Variants in TCHP observed in about 807,000 individuals in gnomAD.
TCHP encodes the protein trichoplein keratin filament-binding protein.
Under a neutral mutation model 88.7 loss-of-function variants are expected in TCHP, and 81 were observed. That is an observed-to-expected ratio of 0.91 (90% CI 0.76 to 1.10). The LOEUF is 1.10. TCHP is among the 50% of genes least tolerant of loss of function. The pLI, the probability that TCHP is intolerant of heterozygous loss-of-function variation, is 0.00. For missense variants in TCHP, 641 were observed against 632.1 expected, an observed-to-expected ratio of 1.01 and a Z score of -0.15; for synonymous variants, 232 against 232.5, an observed-to-expected ratio of 1.00 and a Z score of 0.02.
the TCHP span, among the ~76,000 whole-genome samples, chr12:109,883,148 C>T: frequency 2.0e-5 from 3 of 151,532 alleles, no homozygotes; most frequent in Admixed American, 6.6e-5. Flanking sequence ...ATTCTCCCGC[C>T]TCAGTCTCTC....
In TCHP at chr12:109,917,845, C is replaced by CA. The variant is rs1870900631; in HGVS notation, c.*1223dup. On this transcript the variant is annotated 3_prime_UTR_variant, in exon 13 of 13. Transcript: ENST00000405876. ...GCATTGTTCCATGGTTATTAAAAAT[C>CA]AGAGTTTATTAAAAATCCTGAGTCT... 6.6e-6 allele frequency: 1 copy of CA among 152,544 alleles called. No homozygotes were observed. Among genetic ancestry groups the CA allele is most frequent in the African/African-American group, 2.4e-5 (1 of 41,416 alleles). 9.4% of individuals were successfully genotyped at this position (152,544 alleles called of 1,614,324 possible). A position where few individuals can be genotyped will look rare whatever the true frequency, so the allele number is the denominator to read the frequency against.
At chr12:109,908,781 A>G (rs925023082) in intron 7 of TCHP, 83 bp downstream of exon 7, 9 of 1,567,648 alleles carry the variant, frequency 5.7e-6, no homozygotes, top group Admixed American at 3.5e-5. Context: ...TGCTGAAACC[A>G]TAAAGGAGAC....
chr12:109,892,340 C>A, the TCHP span, among the ~76,000 whole-genome samples: 13 of 152,256 alleles, frequency 8.5e-5, no homozygotes, highest in Non-Finnish European at 1.5e-4. Context: ...TAGGAGTTAG[C>A]AGAGGGGAAG....
At chr12:109,914,678 A>C in intron 11 of TCHP, 51 bp downstream of exon 11, 2 of 1,510,274 alleles carry the variant, frequency 1.3e-6, no homozygotes, top group Non-Finnish European at 1.8e-6. Context: ...GGTTCTCTGC[A>C]TCATCATGGG....
chr12:109,901,987 G>T (rs915121028), intron 1 of TCHP, among the ~76,000 whole-genome samples: 1 of 151,994 alleles, frequency 6.6e-6, no homozygotes, highest in African/African-American at 2.4e-5. Context: ...TTGTAAGAAT[G>T]AAAAAAAGTC....
rs751530336 is a variant in TCHP, at chr12:109,903,234, C to T, written c.188+20C>T. 33 of 1,594,152 alleles carry T rather than the reference C, an allele frequency of 2.1e-5. No homozygotes were observed. The highest frequency in any genetic ancestry group is 1.1e-4 in the East Asian group (5 of 44,358). On this transcript the variant is annotated intron_variant, in intron 2 of 12. Coordinates refer to ENST00000405876, the MANE Select transcript of TCHP (RefSeq NM_001143852.2). The surrounding 1 kb of genome is among the most constrained non-coding windows in gnomAD (Gnocchi z 4.6). ...GCGGAGGTAATTGTGCGGTAACTGCCGATTGGATGGAAGTGGGGACCACTT... is the reference window on the plus strand; with the variant it reads ...GCGGAGGTAATTGTGCGGTAACTGCTGATTGGATGGAAGTGGGGACCACTT...
intron 7 of TCHP, 63 bp from the exon 8 acceptor site, chr12:109,908,808 A>C: frequency 6.3e-7 from 1 of 1,592,562 alleles, no homozygotes; most frequent in Non-Finnish European, 8.6e-7. Context: ...GTCAGCAGTT[A>C]TCTAACTTCT....
At chr12:109,915,380 G>A in intron 11 of TCHP, 23 bp from the exon 12 acceptor site, 5 of 1,614,068 alleles carry the variant, frequency 3.1e-6, no homozygotes, top group Non-Finnish European at 4.2e-6. Context: ...TCTTGGGGTG[G>A]TGACTTTGCT....
In TCHP at chr12:109,916,551, T is replaced by G. The variant is rs746793103; in HGVS notation, c.1465-40T>G. 2 of 1,602,690 alleles carry G rather than the reference T, an allele frequency of 1.2e-6. 1 individual carries two copies. ...GGTTAATTCCTCATGCTGCAGATACTGCTGATCTGATCACTCTTATGTTTT... is the reference window on the plus strand; with the variant it reads ...GGTTAATTCCTCATGCTGCAGATACGGCTGATCTGATCACTCTTATGTTTT... On this transcript the variant is annotated intron_variant, in intron 12 of 12. Coordinates refer to ENST00000405876, the MANE Select transcript of TCHP (RefSeq NM_001143852.2).
the TCHP span, among the ~76,000 whole-genome samples, chr12:109,893,695 G>T: frequency 1.3e-5 from 2 of 152,300 alleles, no homozygotes; most frequent in South Asian, 4.1e-4. Flanking sequence ...ACCGGGAGGG[G>T]TGAGCATTGA....
chr12:109,913,889 T>C (rs1467860101), intron 10 of TCHP, among the ~76,000 whole-genome samples: 1 of 152,228 alleles, frequency 6.6e-6, no homozygotes, highest in African/African-American at 2.4e-5. Context: ...GGCGGCCACT[T>C]TCTGTTCCCC....
At position 109,905,050 on chromosome 12, in the gene TCHP, T is replaced by A; in HGVS notation, c.456+257T>A. The A allele has an allele frequency of 2.0e-6, 1 of 490,748 alleles. No homozygotes were observed. The highest frequency in any genetic ancestry group is 3.6e-6 in the Non-Finnish European group (1 of 274,360). The allele number at this position is 490,748 out of a possible 1,614,324, so 30.4% of individuals were successfully genotyped here. A position where few individuals can be genotyped will look rare whatever the true frequency, so the allele number is the denominator to read the frequency against. On this transcript the variant is annotated intron_variant, in intron 4 of 12. Coordinates refer to ENST00000405876, the MANE Select transcript of TCHP (RefSeq NM_001143852.2). This position sits in a 1 kb window ranked among gnomAD's most constrained non-coding sequence, Gnocchi z 4.0. ...GGAGATTAGACATGGTTTCTGCTCA[T>A]TAGCTTGTGTCCAGCATGGGAGCTC...
intron 7 of TCHP, 74 bp from the exon 8 acceptor site, chr12:109,908,797 G>C: frequency 6.4e-7 from 1 of 1,570,614 alleles, no homozygotes; most frequent in Non-Finnish European, 8.8e-7. Context: ...GAGACAGCCT[G>C]GTCAGCAGTT....
At chr12:109,895,804 T>G (rs977308966), upstream of TCHP, among the ~76,000 whole-genome samples, 4 of 152,198 alleles carry the variant, frequency 2.6e-5, no homozygotes, top group African/African-American at 9.6e-5. Context: ...TCTCCCATGC[T>G]AGGATACCTA....
intron 6 of TCHP, 138 bp from the exon 7 acceptor site, chr12:109,908,448 T>C: frequency 1.5e-6 from 1 of 678,922 alleles, no homozygotes; most frequent in South Asian, 1.8e-5. Flanking sequence ...AAGTGAGTGG[T>C]GGGAGGGGAT....
intron 4 of TCHP, 35 bp downstream of exon 4, chr12:109,904,828 T>C: frequency 6.3e-7 from 1 of 1,579,650 alleles, no homozygotes; most frequent in East Asian, 2.2e-5. Flanking sequence ...TTTATCTAAG[T>C]AGATGAAATC....
intron 12 of TCHP, among the ~76,000 whole-genome samples, chr12:109,915,885 T>C (rs921537038): frequency 1.3e-5 from 2 of 152,154 alleles, no homozygotes; most frequent in African/African-American, 4.8e-5. Flanking sequence ...GCCTCAACTG[T>C]TGAGACAGTG....
chr12:109,907,126 G>A (rs889598057), intron 5 of TCHP, among the ~76,000 whole-genome samples: 4 of 152,182 alleles, frequency 2.6e-5, no homozygotes, highest in Non-Finnish European at 5.9e-5. Flanking sequence ...GGCCTTAAAC[G>A]ATTCTCCCAC....
At chr12:109,910,963 G>T in intron 8 of TCHP, 100 bp from the exon 9 acceptor site, 1 of 1,407,390 alleles carries the variant, frequency 7.1e-7, no homozygotes, top group Non-Finnish European at 9.3e-7. Flanking sequence ...AATCACGAAT[G>T]TCTATGTAGA....
Sources: gnomAD v4.1 joint callset for allele counts (sites outside exome capture counted in the v4.1 genomes callset) on GRCh38, gnomAD v4.1.1 for gene constraint, Gnocchi (gnomAD v3.1) non-coding constraint, MANE v1.5 for transcripts, NCBI Gene and HGNC (gene_info 2026-07-23, HGNC 2026-07-21) for gene names.